Variants in CNTNAP5 observed in about 807,000 individuals in gnomAD.
The protein encoded by CNTNAP5 is contactin associated protein family member 5.
In CNTNAP5, 72 loss-of-function variants were observed where a neutral mutation model predicts 150.2. The observed-to-expected ratio is 0.48, with a 90% CI of 0.40 to 0.58. CNTNAP5 has a LOEUF of 0.58. CNTNAP5 is among the 20% of genes least tolerant of loss of function. The pLI is 0.00. For missense variants in CNTNAP5, 1,636 were observed against 1,626.2 expected (o/e 1.01, Z -0.10); for synonymous variants, 672 against 619.8 (o/e 1.08, Z -1.25).
chr2:124,479,800 G>T (rs1442396833), intron 7 of CNTNAP5, among the ~76,000 whole-genome samples: 3 of 152,116 alleles, frequency 2.0e-5, no homozygotes, highest in African/African-American at 7.2e-5. Context: ...GACTTCCTAG[G>T]TTGTTCATCC....
At chr2:124,683,986 G>A (rs1053210665) in intron 13 of CNTNAP5, among the ~76,000 whole-genome samples, 12 of 152,090 alleles carry the variant, frequency 7.9e-5, no homozygotes, top group Admixed American at 4.6e-4. Flanking sequence ...GGGATGCTTC[G>A]AGCCAGATTG....
Position 124,379,616 on chromosome 2 carries a change from C to T in CNTNAP5, c.382-37827C>T, listed in dbSNP as rs539250342. Among the ~76,000 whole-genome samples the T allele has an allele frequency of 1.4e-4, 22 of 152,192 alleles. 1 individual carries two copies. Among genetic ancestry groups the T allele is most frequent in the Non-Finnish European group, 2.6e-4 (18 of 68,020 alleles). The stretch of plus-strand genomic sequence containing the variant: ...CTAGGAATAAAGCTTCTATAAATAA[C>T]TGTGTGCAAGTTTTTTGTGTGGACA... On this transcript the variant is annotated intron_variant, in intron 3 of 23. Coordinates refer to ENST00000682447, the MANE Select transcript of CNTNAP5 (RefSeq NM_001367498.1).
chr2:124,728,854 C>T (rs549495303), intron 13 of CNTNAP5, among the ~76,000 whole-genome samples: 1 of 152,126 alleles, frequency 6.6e-6, no homozygotes, highest in East Asian at 1.9e-4. Flanking sequence ...AATTTGTAAA[C>T]TAAACTCAAT....
intron 1 of CNTNAP5, among the ~76,000 whole-genome samples, chr2:124,218,544 C>A (rs909266035): frequency 1.3e-5 from 2 of 152,140 alleles, no homozygotes; most frequent in African/African-American, 4.8e-5. Flanking sequence ...GAGGAAAGGG[C>A]TGCTGAAAAA....
intron 13 of CNTNAP5, among the ~76,000 whole-genome samples, chr2:124,702,461 A>G (rs1239058615): frequency 7.2e-6 from 1 of 139,198 alleles, no homozygotes; most frequent in African/African-American, 2.7e-5. Flanking sequence ...TGTGTCCTCA[A>G]TAGATATAGT....
chr2:124,428,673 ATT>A (rs68135556), intron 4 of CNTNAP5, among the ~76,000 whole-genome samples: 3 of 146,108 alleles, frequency 2.1e-5, no homozygotes, highest in Admixed American at 6.9e-5. Flanking sequence ...AGCAATCAGC[ATT>A]TTTTTTTTTT....
chr2:124,647,920 C>G lies in CNTNAP5; in HGVS notation c.2039C>G (p.Ala680Gly), dbSNP rs746236967. The G allele has an allele frequency of 5.6e-6, 9 of 1,608,130 alleles. No individual in the cohort carries two copies. Among genetic ancestry groups the G allele is most frequent in the Non-Finnish European group, 5.1e-6 (6 of 1,177,728 alleles). Residue 680 changes from alanine to glycine, a missense_variant, in exon 13 of 24, where the codon GCC becomes GGC. Physicochemically the swap from Ala to Gly is moderately conservative, Grantham distance 60 (BLOSUM62 0). Transcript: ENST00000682447. ...TCTGAGCACTGTGAGCAGGAGGTGG[C>G]CTACCACTGCAGGAGGTCCCGCCTG... is the stretch of plus-strand genomic sequence containing the variant. ...DGSEHCEQEVAYHCRRSRLLN... is the reference protein window; with the variant it reads ...DGSEHCEQEVGYHCRRSRLLN...
chr2:124,454,765 A>T (rs1013004518), intron 6 of CNTNAP5, among the ~76,000 whole-genome samples: 1 of 152,184 alleles, frequency 6.6e-6, no homozygotes, highest in Non-Finnish European at 1.5e-5. Flanking sequence ...AAATACATGG[A>T]AATTAAATAA....
At chr2:124,410,965 A>G (rs1391127684) in intron 3 of CNTNAP5, among the ~76,000 whole-genome samples, 1 of 152,106 alleles carries the variant, frequency 6.6e-6, no homozygotes, top group Non-Finnish European at 1.5e-5. Context: ...AGGATCAACA[A>G]AATTGATAGA....
Position 124,816,456 on chromosome 2 carries a change from A to G in CNTNAP5, c.3217+18136A>G, listed in dbSNP as rs191410490. Among the ~76,000 whole-genome samples, 1,079 of 135,614 alleles carry G rather than the reference A, an allele frequency of 8.0e-3. 15 individuals carry two copies. The highest frequency in any genetic ancestry group is 0.028 in the African/African-American group (1,012 of 35,946). The allele number at this position is 135,614 out of a possible 152,430, so 89.0% of individuals were successfully genotyped here. A position where few individuals can be genotyped will look rare whatever the true frequency, so the allele number is the denominator to read the frequency against. ...ACGAAAGTTCCTTGTGGCACTCCCTATTGGCCTTGCAGCTTACTTTTTTTT... is the reference window on the plus strand; with the variant it reads ...ACGAAAGTTCCTTGTGGCACTCCCTGTTGGCCTTGCAGCTTACTTTTTTTT... On this transcript the variant is annotated intron_variant, in intron 19 of 23. Coordinates refer to ENST00000682447, the MANE Select transcript of CNTNAP5 (RefSeq NM_001367498.1).
intron 3 of CNTNAP5, among the ~76,000 whole-genome samples, chr2:124,265,642 G>A (rs1687586401): frequency 6.6e-6 from 1 of 152,112 alleles, no homozygotes; most frequent in Non-Finnish European, 1.5e-5. Flanking sequence ...CCTCTGGCAA[G>A]GTTTTGAGAT....
rs1215179737 is a variant in CNTNAP5 at position 124,049,647 on chromosome 2, T to A, written c.82+23915T>A. On this transcript the variant is annotated intron_variant, in intron 1 of 23. Coordinates refer to ENST00000682447, the MANE Select transcript of CNTNAP5 (RefSeq NM_001367498.1). Reference sequence around the variant, plus strand: ...CTTCTGAGCTTCAGTTTCTTTACTGTAACATGAAGGTAATGATACCTACCC... The same window carrying A: ...CTTCTGAGCTTCAGTTTCTTTACTGAAACATGAAGGTAATGATACCTACCC... Among the ~76,000 whole-genome samples the A allele has an allele frequency of 3.3e-5, 5 of 152,136 alleles. No individual in the cohort carries two copies. The East Asian group carries it at 9.6e-4, about 29-fold the overall frequency.
In CNTNAP5 at chr2:124,876,868, AT is replaced by A. The variant is rs1216234848; in HGVS notation, c.3436+7107del. Among the ~76,000 whole-genome samples, 9 of 152,094 alleles carry A rather than the reference AT, an allele frequency of 5.9e-5. No homozygotes were observed. In the East Asian group the frequency reaches 1.8e-3, roughly 30 times the overall value. ...GTAATAAAGTATTTTAGATTCGTTA[AT>A]CTAATTTGACCTTCCGCATCATGAA... On this transcript the variant is annotated intron_variant, in intron 21 of 23. Coordinates refer to ENST00000682447, the MANE Select transcript of CNTNAP5 (RefSeq NM_001367498.1).
intron 2 of CNTNAP5, among the ~76,000 whole-genome samples, chr2:124,234,011 T>C (rs994934766): frequency 1.8e-4 from 28 of 152,054 alleles, no homozygotes; most frequent in African/African-American, 6.8e-4. Context: ...ATACTGCTCA[T>C]GAGAAAAAAA....
intron 1 of CNTNAP5, among the ~76,000 whole-genome samples, chr2:124,118,663 C>T (rs1264757467): frequency 1.3e-5 from 2 of 152,136 alleles, no homozygotes; most frequent in African/African-American, 2.4e-5. Flanking sequence ...CTGCCTGCTA[C>T]AGGACTTGTG....
chr2:124,732,862 A>G (rs1464491596), intron 13 of CNTNAP5, among the ~76,000 whole-genome samples: 1 of 152,180 alleles, frequency 6.6e-6, no homozygotes, highest in African/African-American at 2.4e-5. Flanking sequence ...GTTTTCAAAC[A>G]CAAAAATTCC....
At chr2:124,390,245 T>A (rs1691075898) in intron 3 of CNTNAP5, among the ~76,000 whole-genome samples, 1 of 152,200 alleles carries the variant, frequency 6.6e-6, no homozygotes, top group Non-Finnish European at 1.5e-5. Flanking sequence ...AAATTTTTCT[T>A]TGTGATTTTG....
chr2:124,465,224 A>G (rs1455192370), intron 6 of CNTNAP5, among the ~76,000 whole-genome samples: 1 of 152,236 alleles, frequency 6.6e-6, no homozygotes, highest in Non-Finnish European at 1.5e-5. Context: ...ACATCAATGC[A>G]GGCTTTCTCC....
intron 3 of CNTNAP5, among the ~76,000 whole-genome samples, chr2:124,264,376 A>C (rs1282083763): frequency 2.5e-5 from 1 of 40,736 alleles, no homozygotes; most frequent in Admixed American, 4.3e-4. Flanking sequence ...ACACACAGGC[A>C]CACACACACA....
Sources: allele counts gnomAD v4.1 joint callset (sites outside exome capture counted in the v4.1 genomes callset), GRCh38; gene constraint gnomAD v4.1.1; transcripts MANE v1.5; gene names NCBI Gene and HGNC (gene_info 2026-07-23, HGNC 2026-07-21).